Variants in LAMA2 observed in about 807,000 individuals in gnomAD.
LAMA2 encodes the protein laminin subunit alpha-2.
A neutral mutation model predicts 364.8 loss-of-function variants in LAMA2; 269 were observed. The ratio of observed to expected loss-of-function variants is 0.74; its 90% CI spans 0.67 to 0.82. The LOEUF (loss-of-function observed/expected upper bound fraction) is 0.82, where lower values mean the gene tolerates loss of function less well. Among genes scored for constraint, LAMA2 ranks in the 40% least tolerant of loss-of-function variants. LAMA2 has a pLI of 0.00. For missense variants in LAMA2, 3,807 were observed against 3,873.2 expected (o/e 0.98, Z 0.45); for synonymous variants, 1,379 against 1,370.6 (o/e 1.01, Z -0.14).
intron 1 of LAMA2, among the ~76,000 whole-genome samples, chr6:129,020,092 G>GA (rs1785336134): frequency 1.3e-4 from 8 of 60,572 alleles, no homozygotes; most frequent in African/African-American, 4.9e-4. Flanking sequence ...ATCTCAAAAA[G>GA]AAAAAAAAAG....
intron 1 of LAMA2, among the ~76,000 whole-genome samples, chr6:128,997,500 A>T (rs1197081448): frequency 1.3e-5 from 2 of 152,196 alleles, no homozygotes; most frequent in Non-Finnish European, 2.9e-5. Context: ...TCAAGACTTT[A>T]TGCCTGTGAT....
chr6:129,512,715 A>C (rs1022107382), intron 63 of LAMA2, among the ~76,000 whole-genome samples: 1 of 152,192 alleles, frequency 6.6e-6, no homozygotes, highest in African/African-American at 2.4e-5. Context: ...TTGTACAGCA[A>C]GCCAATCGTG....
At chr6:129,373,253 C>T (rs973496595) in intron 34 of LAMA2, among the ~76,000 whole-genome samples, 12 of 152,132 alleles carry the variant, frequency 7.9e-5, no homozygotes, top group Non-Finnish European at 1.3e-4. Context: ...CTTCTAGGAG[C>T]GTTACAGTTT....
intron 30 of LAMA2, among the ~76,000 whole-genome samples, chr6:129,346,963 A>G (rs973726924): frequency 2.6e-5 from 4 of 152,150 alleles, no homozygotes; most frequent in Admixed American, 1.3e-4. Context: ...CCTCAGAGAA[A>G]AAAGTCACTG....
chr6:129,069,027 C>G (rs1225612160), intron 3 of LAMA2, among the ~76,000 whole-genome samples: 1 of 151,946 alleles, frequency 6.6e-6, no homozygotes, highest in African/African-American at 2.4e-5. Context: ...TTTGGAGACC[C>G]AGATCCTATT....
chr6:129,009,098 T>C (rs574132226), intron 1 of LAMA2, among the ~76,000 whole-genome samples: 5 of 152,302 alleles, frequency 3.3e-5, no homozygotes, highest in Non-Finnish European at 7.4e-5. Flanking sequence ...GATCATGCCA[T>C]TGGGGTCTCA....
At chr6:128,938,653 T>C (rs1779977858) in intron 1 of LAMA2, among the ~76,000 whole-genome samples, 1 of 152,188 alleles carries the variant, frequency 6.6e-6, no homozygotes, top group South Asian at 2.1e-4. Flanking sequence ...TCAGAGGATG[T>C]CCTTCGGAGA....
intron 1 of LAMA2, among the ~76,000 whole-genome samples, chr6:129,019,580 T>C (rs1785284861): frequency 6.6e-6 from 1 of 152,144 alleles, no homozygotes; most frequent in South Asian, 2.1e-4. Flanking sequence ...CTTGAATCTC[T>C]TCAAAAATAT....
At chr6:129,375,275 A>G (rs1019672991) in intron 34 of LAMA2, among the ~76,000 whole-genome samples, 4 of 152,164 alleles carry the variant, frequency 2.6e-5, no homozygotes, top group South Asian at 2.1e-4. Flanking sequence ...CATGTTTAAC[A>G]TATTCAAACT....
Position 129,300,755 on chromosome 6 carries a change from G to T in LAMA2, c.3057G>T (p.Leu1019=), listed in dbSNP as rs764206794. 1 of 1,613,630 alleles carries T rather than the reference G, an allele frequency of 6.2e-7. No individual in the cohort carries two copies. The highest frequency in any genetic ancestry group is 8.5e-7 in the Non-Finnish European group (1 of 1,179,668). Residue 1019 remains leucine (L), a synonymous_variant, in exon 22 of 65, where the codon CTG becomes CTT. Coordinates refer to ENST00000421865, the MANE Select transcript of LAMA2 (RefSeq NM_000426.4). ...GGCTACECSH[L]GNNCDPKTGR... Reference sequence around the variant, plus strand: ...GTGAAGCTTGTGAATGTTCTCATCTGGGTAATAATTGTGACCCAAAGACTG... The same window carrying T: ...GTGAAGCTTGTGAATGTTCTCATCTTGGTAATAATTGTGACCCAAAGACTG...
chr6:129,446,079 A>G (rs572281036), intron 45 of LAMA2, among the ~76,000 whole-genome samples: 5 of 152,102 alleles, frequency 3.3e-5, no homozygotes, highest in Non-Finnish European at 5.9e-5. Context: ...TTCTATTACT[A>G]TTTGCATAGA....
chr6:129,120,048 A>C (rs1190897031), intron 4 of LAMA2, among the ~76,000 whole-genome samples: 1 of 152,250 alleles, frequency 6.6e-6, no homozygotes, highest in Non-Finnish European at 1.5e-5. Context: ...GAGATAGAGA[A>C]GTTTTATTTA....
At chr6:128,932,368 G>A (rs991586848) in intron 1 of LAMA2, among the ~76,000 whole-genome samples, 5 of 152,294 alleles carry the variant, frequency 3.3e-5, no homozygotes, top group African/African-American at 1.2e-4. Flanking sequence ...CTCAACAAGT[G>A]TTTACTGAAA....
intron 8 of LAMA2, chr6:129,157,590 C>A: frequency 6.2e-7 from 1 of 1,613,154 alleles, no homozygotes; most frequent in East Asian, 2.2e-5. Flanking sequence ...CGCTGTGAGT[C>A]TGGGGGCTGG....
At chr6:128,942,856 G>A (rs73773580) in intron 1 of LAMA2, among the ~76,000 whole-genome samples, 1,539 of 152,234 alleles carry the variant, frequency 0.01, 31 homozygotes, top group African/African-American at 0.035. Context: ...GGTGGCAGGG[G>A]TAACCGAAAA....
At chr6:128,982,977 G>A (rs1174548232) in intron 1 of LAMA2, among the ~76,000 whole-genome samples, 1 of 147,740 alleles carries the variant, frequency 6.8e-6, no homozygotes, top group African/African-American at 2.7e-5. Context: ...ATTCCATGGT[G>A]TATATGTGCC....
intron 2 of LAMA2, among the ~76,000 whole-genome samples, chr6:129,050,955 T>C (rs1039349036): frequency 1.3e-5 from 2 of 152,160 alleles, no homozygotes; most frequent in Non-Finnish European, 2.9e-5. Flanking sequence ...AAGCATTGTA[T>C]TGGAGCATAA....
intron 1 of LAMA2, among the ~76,000 whole-genome samples, chr6:128,995,054 A>G (rs1783844701): frequency 6.6e-6 from 1 of 152,136 alleles, no homozygotes; most frequent in Non-Finnish European, 1.5e-5. Context: ...AGTAACAACA[A>G]TTTAATTCTG....
chr6:129,268,079 T>C (rs966425066), intron 16 of LAMA2, among the ~76,000 whole-genome samples: 17 of 152,048 alleles, frequency 1.1e-4, no homozygotes, highest in Admixed American at 9.2e-4. Context: ...TTGCTCATTT[T>C]CCCCCATTTC....
Sources: allele counts gnomAD v4.1 joint callset (sites outside exome capture counted in the v4.1 genomes callset), GRCh38; gene constraint gnomAD v4.1.1; transcripts MANE v1.5; gene names NCBI Gene and HGNC (gene_info 2026-07-23, HGNC 2026-07-21).